IGSF10: variants seen among roughly 807,000 people sequenced by gnomAD.
IGSF10 encodes the protein immunoglobulin superfamily member 10, also known as calvaria mechanical force protein 608.
IGSF10 carries 126 observed loss-of-function variants against 128.2 expected under a neutral mutation model. The ratio of observed to expected loss-of-function variants is 0.98; its 90% CI spans 0.85 to 1.14. The LOEUF is 1.14. Among genes scored for constraint, IGSF10 ranks in the 50% most tolerant of loss-of-function variants. The pLI, the probability that IGSF10 is intolerant of heterozygous loss-of-function variation, is 0.00. For missense variants in IGSF10, 3,295 were observed against 3,149.8 expected (o/e 1.05, Z -1.10); for synonymous variants, 1,185 against 1,146.2 (o/e 1.03, Z -0.68).
At position 151,453,557 on chromosome 3, in the gene IGSF10, A is replaced by T; in HGVS notation, c.542T>A (p.Ile181Lys). The T allele has an allele frequency of 6.2e-7, 1 of 1,614,010 alleles. No homozygotes were observed. Among genetic ancestry groups the T allele is most frequent in the African/African-American group, 1.3e-5 (1 of 75,042 alleles). Residue 181 changes from isoleucine to lysine, a missense_variant, in exon 5 of 8, where the codon ATA (isoleucine) becomes AAA (lysine). Coordinates refer to ENST00000282466, the MANE Select transcript of IGSF10 (RefSeq NM_178822.5). ...GAACTTAATGAAAGAGATTTTAAATATCTGGAGGTAGCTCAAAGAGACAAA... is the reference window on the plus strand; with the variant it reads ...GAACTTAATGAAAGAGATTTTAAATTTCTGGAGGTAGCTCAAAGAGACAAA... ...DTFVSLSYLQ[I>K]FKISFIKFLY...
chr3:151,553,025 A>T, the IGSF10 span, among the ~76,000 whole-genome samples: 7 of 152,190 alleles, frequency 4.6e-5, no homozygotes, highest in African/African-American at 1.4e-4. Context: ...TAATAAAATT[A>T]AAAAATACAT....
intron 4 of IGSF10, among the ~76,000 whole-genome samples, chr3:151,455,724 T>C (rs1721761383): frequency 6.6e-6 from 1 of 152,232 alleles, no homozygotes. Flanking sequence ...TTGATGGACA[T>C]TAAGAGGTGT....
chr3:151,531,527 AACTC>A, the IGSF10 span, among the ~76,000 whole-genome samples: 1 of 152,336 alleles, frequency 6.6e-6, no homozygotes, highest in East Asian at 1.9e-4. Flanking sequence ...AGGATTAAGA[AACTC>A]ACTCAAAATG....
chr3:151,487,632 C>G, the IGSF10 span, among the ~76,000 whole-genome samples: 6 of 152,158 alleles, frequency 3.9e-5, no homozygotes. Context: ...GCTTATCCAC[C>G]ATGATCAAGT....
the IGSF10 span, among the ~76,000 whole-genome samples, chr3:151,469,407 A>G: frequency 5.9e-5 from 9 of 152,108 alleles, no homozygotes; most frequent in African/African-American, 2.2e-4. Flanking sequence ...TCCAATTAAC[A>G]TTGGGGCCCT....
chr3:151,440,983 C>T (rs566460959), intron 7 of IGSF10, among the ~76,000 whole-genome samples: 65 of 152,330 alleles, frequency 4.3e-4, no homozygotes, highest in African/African-American at 1.3e-3. Flanking sequence ...AACTTCCCAG[C>T]TAACATAAAT....
the IGSF10 span, among the ~76,000 whole-genome samples, chr3:151,561,988 C>T: frequency 2.0e-5 from 3 of 152,060 alleles, no homozygotes; most frequent in Admixed American, 1.3e-4. Context: ...TTATCAGAGG[C>T]GTTTGAACCA....
the IGSF10 span, among the ~76,000 whole-genome samples, chr3:151,545,623 C>T: frequency 6.6e-6 from 1 of 152,218 alleles, no homozygotes; most frequent in Admixed American, 6.5e-5. Flanking sequence ...CAGGTGTCTG[C>T]ACTTTAGCAT....
downstream of IGSF10, chr3:151,434,078 T>C (rs757874673): frequency 1.3e-5 from 2 of 152,532 alleles, no homozygotes; most frequent in Non-Finnish European, 2.9e-5. Flanking sequence ...AATGTGAAAA[T>C]TGCAGGGCAT....
rs780018767 is a variant in IGSF10 at position 151,446,591 on chromosome 3, C to A, written c.3390G>T (p.Arg1130Ser). The change falls in exon 6 of 8, where the codon AGG becomes AGT. Residue 1130 changes from arginine (R) to serine (S), a missense_variant. Arg to Ser is a moderately radical substitution (Grantham distance 110, BLOSUM62 -1). Transcript: ENST00000282466. ...TTGGAGTCACTTGGGAAATTTCAGT[C>A]CTGAAATATTTTATTGTGGGTGTTG... Reference protein sequence around the residue: ...EKTTPTIKYFRTEISQVTPTG... With the variant: ...EKTTPTIKYFSTEISQVTPTG... The A allele has an allele frequency of 5.0e-6, 8 of 1,614,012 alleles. No homozygotes were observed. In the South Asian group the frequency reaches 7.7e-5, roughly 16 times the overall value.
chr3:151,493,740 C>A, the IGSF10 span, among the ~76,000 whole-genome samples: 8 of 152,014 alleles, frequency 5.3e-5, no homozygotes, highest in African/African-American at 1.9e-4. Flanking sequence ...ACATTTTTCT[C>A]CATTGTTAAG....
the IGSF10 span, among the ~76,000 whole-genome samples, chr3:151,605,986 G>T: frequency 6.6e-6 from 1 of 152,108 alleles, no homozygotes; most frequent in African/African-American, 2.4e-5. Context: ...GTTCCCAGGT[G>T]ATAGTGATGC....
At chr3:151,588,650 A>G in the IGSF10 span, among the ~76,000 whole-genome samples, 1 of 152,222 alleles carries the variant, frequency 6.6e-6, no homozygotes, top group South Asian at 2.1e-4. Flanking sequence ...TCATCTTTGC[A>G]TTTGGTAAAT....
chr3:151,494,093 A>AT, the IGSF10 span, among the ~76,000 whole-genome samples: 2 of 152,086 alleles, frequency 1.3e-5, no homozygotes, highest in African/African-American at 4.8e-5. Context: ...ACATTGAGAA[A>AT]TTTCTAATTT....
chr3:151,476,328 C>T, the IGSF10 span, among the ~76,000 whole-genome samples: 1 of 151,996 alleles, frequency 6.6e-6, no homozygotes, highest in Non-Finnish European at 1.5e-5. Flanking sequence ...ACAGACAACA[C>T]GAATAGGTGT....
At chr3:151,539,028 T>C in the IGSF10 span, among the ~76,000 whole-genome samples, 132 of 152,290 alleles carry the variant, frequency 8.7e-4, 1 homozygote, top group African/African-American at 3.0e-3. Flanking sequence ...TTAAAAACAC[T>C]GGAAGAGGAA....
downstream of IGSF10, chr3:151,433,936 T>G (rs1313456034): frequency 6.6e-6 from 1 of 152,658 alleles, no homozygotes; most frequent in Non-Finnish European, 1.5e-5. Context: ...AAATAGTAAC[T>G]ATTTTAACTT....
At chr3:151,559,477 GTAAT>G in the IGSF10 span, among the ~76,000 whole-genome samples, 12 of 152,140 alleles carry the variant, frequency 7.9e-5, no homozygotes, top group African/African-American at 2.7e-4. Flanking sequence ...TATTGGGAGA[GTAAT>G]TGACATGAAT....
chr3:151,616,783 C>T, the IGSF10 span, among the ~76,000 whole-genome samples: 7 of 152,230 alleles, frequency 4.6e-5, no homozygotes, highest in African/African-American at 1.4e-4. Context: ...CTACGAAATG[C>T]GTCTTATTCT....
Sources: gnomAD v4.1 joint callset for allele counts (sites outside exome capture counted in the v4.1 genomes callset) on GRCh38, gnomAD v4.1.1 for gene constraint, MANE v1.5 for transcripts, NCBI Gene and HGNC (gene_info 2026-07-23, HGNC 2026-07-21) for gene names.